The following NCAPD3 variants were observed in gnomAD, a reference collection of about 807,000 sequenced individuals.
NCAPD3 encodes non-SMC condensin II complex subunit D3, also known as condensin-2 complex subunit D3.
A neutral mutation model predicts 182.9 loss-of-function variants in NCAPD3; 105 were observed. The observed-to-expected ratio is 0.57, with a 90% CI of 0.49 to 0.68. The LOEUF (loss-of-function observed/expected upper bound fraction) is 0.68, where lower values mean the gene tolerates loss of function less well. Ranked by LOEUF, NCAPD3 falls within the 30% of genes least tolerant of loss-of-function variation. NCAPD3 has a pLI of 0.00. For missense variants in NCAPD3, 1,944 were observed against 1,837.0 expected, an observed-to-expected ratio of 1.06 and a Z score of -1.07; for synonymous variants, 815 against 679.9, an observed-to-expected ratio of 1.20 and a Z score of -3.09.
chr11:134,164,584 T>C (rs1235069190), intron 27 of NCAPD3, among the ~76,000 whole-genome samples: 1 of 151,652 alleles, frequency 6.6e-6, no homozygotes, highest in African/African-American at 2.4e-5. Context: ...GCACACTCAC[T>C]TGTGACATGA....
chr11:134,161,699 C>T (rs1292993302), intron 28 of NCAPD3, 82 bp downstream of exon 28: 2 of 807,824 alleles, frequency 2.5e-6, no homozygotes, highest in African/African-American at 1.7e-5. Context: ...TCACGGATTG[C>T]CTGCACTGTC....
At chr11:134,200,874 T>C (rs571641045) in intron 13 of NCAPD3, among the ~76,000 whole-genome samples, 104 of 152,284 alleles carry the variant, frequency 6.8e-4, no homozygotes, top group African/African-American at 2.3e-3. Flanking sequence ...TGTATCCTTA[T>C]AACTGACTAT....
intron 32 of NCAPD3, among the ~76,000 whole-genome samples, chr11:134,154,275 G>A (rs1271844040): frequency 1.3e-5 from 2 of 152,126 alleles, no homozygotes; most frequent in African/African-American, 2.4e-5. Flanking sequence ...TCATCAAGAA[G>A]CTGGTAAATT....
intron 31 of NCAPD3, 79 bp downstream of exon 31, chr11:134,157,849 G>A: frequency 7.0e-7 from 1 of 1,422,480 alleles, no homozygotes; most frequent in Non-Finnish European, 9.5e-7. Flanking sequence ...ACACCGCTTT[G>A]AAAGGAATAA....
At position 134,153,368 on chromosome 11, in the gene NCAPD3, A is replaced by C. The variant is rs772046001; in HGVS notation, c.4253-5T>G. ...ACGTGACATCACTGATGCTCTCTGC[A>C]TAAAGAGGAGACACCACTGAGTGAA... is the stretch of plus-strand genomic sequence containing the variant. On this transcript the variant is annotated splice_polypyrimidine_tract_variant and splice_region_variant and intron_variant, in intron 32 of 34. Coordinates refer to ENST00000534548, the MANE Select transcript of NCAPD3 (RefSeq NM_015261.3). 73 of 1,613,960 alleles carry C rather than the reference A, an allele frequency of 4.5e-5. No homozygotes were observed. The highest frequency in any genetic ancestry group is 5.7e-5 in the Non-Finnish European group (67 of 1,179,984).
chr11:134,157,554 A>G (rs1943457738), intron 31 of NCAPD3, among the ~76,000 whole-genome samples: 1 of 152,236 alleles, frequency 6.6e-6, no homozygotes, highest in Non-Finnish European at 1.5e-5. Flanking sequence ...CAAAGGTTGG[A>G]AAGAAAAGTT....
intron 1 of NCAPD3, among the ~76,000 whole-genome samples, chr11:134,221,929 A>G (rs538673965): frequency 6.6e-6 from 1 of 152,328 alleles, no homozygotes; most frequent in South Asian, 2.1e-4. Flanking sequence ...AGAAGATCTG[A>G]AAAATACAAT....
intron 20 of NCAPD3, among the ~76,000 whole-genome samples, chr11:134,180,556 G>A (rs1591839427): frequency 6.6e-6 from 1 of 152,076 alleles, no homozygotes; most frequent in African/African-American, 2.4e-5. Flanking sequence ...CTAAAGCAGG[G>A]GTGCCACAGA....
At chr11:134,190,039 T>C (rs1944491763) in intron 16 of NCAPD3, among the ~76,000 whole-genome samples, 1 of 152,228 alleles carries the variant, frequency 6.6e-6, no homozygotes, top group African/African-American at 2.4e-5. Flanking sequence ...TACTGACCTA[T>C]TGGATTAATT....
rs993072272 is a variant in NCAPD3 at position 134,177,143 on chromosome 11, C to T, written c.3021+76G>A. On this transcript the variant is annotated intron_variant, in intron 23 of 34. Coordinates refer to ENST00000534548, the MANE Select transcript of NCAPD3 (RefSeq NM_015261.3). ...ATTCTACTACAAAGCAAGCACATTT[C>T]CTATGCTACTCAAATATTCCCTTAA... is the stretch of plus-strand genomic sequence containing the variant. 6.1e-5 allele frequency: 70 copies of T among 1,149,628 alleles called. No homozygotes were observed. In the African/African-American group the frequency reaches 1.0e-3, roughly 17 times the overall value. 71.2% of individuals were successfully genotyped at this position (1,149,628 alleles called of 1,614,324 possible). A position where few individuals can be genotyped will look rare whatever the true frequency, so the allele number is the denominator to read the frequency against.
rs370054362 is a variant in NCAPD3, at chr11:134,223,896, G to C, written c.31C>G (p.Leu11Val). Residue 11 changes from leucine to valine, a missense_variant, in exon 1 of 35, where the codon CTG (leucine) becomes GTG (valine). Around this residue, in one of 3 missense-constraint regions of NCAPD3, gnomAD observed 131 missense variants for 133.9 expected, o/e 0.98. Coordinates refer to ENST00000534548, the MANE Select transcript of NCAPD3 (RefSeq NM_015261.3). MVALRGLGSG[L>V]QPWCPLDLRL... ...AGATCCAGCGGACACCAGGGCTGCAGGCCGCTACCAAGGCCCCGCAACGCC... is the reference window on the plus strand; with the variant it reads ...AGATCCAGCGGACACCAGGGCTGCACGCCGCTACCAAGGCCCCGCAACGCC... The C allele has an allele frequency of 6.2e-7, 1 of 1,612,766 alleles. No homozygotes were observed. Among genetic ancestry groups the C allele is most frequent in the Non-Finnish European group, 8.5e-7 (1 of 1,179,844 alleles).
intron 27 of NCAPD3, among the ~76,000 whole-genome samples, chr11:134,163,455 T>G (rs1221916568): frequency 6.6e-6 from 1 of 151,952 alleles, no homozygotes; most frequent in Non-Finnish European, 1.5e-5. Flanking sequence ...ATCCCAGCAC[T>G]TTGGAAGGCC....
chr11:134,182,886 C>A (rs755354262), intron 19 of NCAPD3: 2 of 287,240 alleles, frequency 7.0e-6, no homozygotes, highest in South Asian at 3.0e-5. Flanking sequence ...TCCTAACATT[C>A]CAGACAATCT....
Position 134,204,178 on chromosome 11 carries a change from AG to A in NCAPD3, c.1090-8del. 6.2e-7 allele frequency: 1 copy of A among 1,611,958 alleles called. No individual in the cohort carries two copies. The highest frequency in any genetic ancestry group is 2.2e-5 in the East Asian group (1 of 44,846). ...ACTCTGATTTATCTACCACCTGAAA[AG>A]CAAAAAGAGAAGTTGACCAACCAAT... On this transcript the variant is annotated splice_polypyrimidine_tract_variant and splice_region_variant and intron_variant, in intron 9 of 34. Coordinates refer to ENST00000534548, the MANE Select transcript of NCAPD3 (RefSeq NM_015261.3). This position sits in a 1 kb window ranked among gnomAD's most constrained non-coding sequence, Gnocchi z 4.3.
chr11:134,206,659 G>T lies in NCAPD3; in HGVS notation c.956C>A (p.Ala319Asp), dbSNP rs1163369718. The part of the protein sequence containing the change: ...MLEVGEGSHR[A>D]PLAVTSQVIN... ...GACTTGGGAGGTAACAGCAAGGGGGGCACGATGGGATCCTTCACCAACTTC... is the reference window on the plus strand; with the variant it reads ...GACTTGGGAGGTAACAGCAAGGGGGTCACGATGGGATCCTTCACCAACTTC... Residue 319 changes from alanine to aspartate, a missense_variant, in exon 8 of 35, where the codon GCC becomes GAC. Ala to Asp is a moderately radical substitution (Grantham distance 126). Coordinates refer to ENST00000534548, the MANE Select transcript of NCAPD3 (RefSeq NM_015261.3). 6.2e-7 allele frequency: 1 copy of T among 1,613,482 alleles called. No individual in the cohort carries two copies. Among genetic ancestry groups the T allele is most frequent in the African/African-American group, 1.3e-5 (1 of 74,902 alleles).
chr11:134,205,720 G>A (rs1184900666), intron 8 of NCAPD3, among the ~76,000 whole-genome samples: 16 of 152,160 alleles, frequency 1.1e-4, no homozygotes, highest in Admixed American at 3.3e-4. Flanking sequence ...TCCATTTTTA[G>A]TGATGTTTAT....
Position 134,217,107 on chromosome 11 carries a change from A to G in NCAPD3, c.220-9T>C. 1.3e-6 allele frequency: 2 copies of G among 1,564,468 alleles called. No individual in the cohort carries two copies. Among genetic ancestry groups the G allele is most frequent in the Non-Finnish European group, 1.7e-6 (2 of 1,158,738 alleles). ...AAGAAGGTCCAGATACTCTGTGGGG[A>G]GACCGCAAATCACAAAAGCCAGTCA... On this transcript the variant is annotated splice_polypyrimidine_tract_variant and intron_variant, in intron 2 of 34. Transcript: ENST00000534548.
At chr11:134,211,883 T>G (rs551084908) in intron 3 of NCAPD3, among the ~76,000 whole-genome samples, 1 of 152,162 alleles carries the variant, frequency 6.6e-6, no homozygotes, top group Non-Finnish European at 1.5e-5. Flanking sequence ...TCGTGCAGTC[T>G]AACACAGGAG....
chr11:134,199,880 ATAGAT>A (rs1323422693), intron 13 of NCAPD3, among the ~76,000 whole-genome samples: 20 of 152,230 alleles, frequency 1.3e-4, no homozygotes, highest in Admixed American at 1.1e-3. Context: ...AGACAGATAT[ATAGAT>A]TAATGAAATA....
Sources: allele counts gnomAD v4.1 joint callset (sites outside exome capture counted in the v4.1 genomes callset), GRCh38; gene constraint gnomAD v4.1.1; regional missense constraint gnomAD v4.1.1; non-coding constraint Gnocchi (gnomAD v3.1); transcripts MANE v1.5; gene names NCBI Gene and HGNC (gene_info 2026-07-23, HGNC 2026-07-21).